The following PDE4D variants were observed in gnomAD, a reference collection of about 807,000 sequenced individuals.
The protein encoded by PDE4D is 3',5'-cyclic-AMP phosphodiesterase 4D.
In PDE4D, 24 loss-of-function variants were observed where a neutral mutation model predicts 87.4. That is an observed-to-expected ratio of 0.27 (90% CI 0.20 to 0.39). The LOEUF (loss-of-function observed/expected upper bound fraction) is 0.39. Among genes scored for constraint, PDE4D ranks in the 10% least tolerant of loss-of-function variants. The pLI is 1.00. For synonymous variants in PDE4D, 384 were observed against 383.2 expected (o/e 1.00, Z -0.02); for missense variants, 714 against 1,041.0 (o/e 0.69, Z 4.32).
intron 1 of PDE4D, among the ~76,000 whole-genome samples, chr5:59,773,006 A>G (rs1581038601): frequency 6.6e-6 from 1 of 152,236 alleles, no homozygotes; most frequent in East Asian, 1.9e-4. Context: ...AGAATGCTAC[A>G]AGGATTAAAT....
At chr5:59,234,207 A>G (rs1472355470) in intron 1 of PDE4D, among the ~76,000 whole-genome samples, 1 of 152,138 alleles carries the variant, frequency 6.6e-6, no homozygotes, top group African/African-American at 2.4e-5. Context: ...ATTTGAATAT[A>G]TTCATCCATT....
chr5:59,284,643 A>T (rs578152234), intron 1 of PDE4D, among the ~76,000 whole-genome samples: 21 of 132,514 alleles, frequency 1.6e-4, no homozygotes, highest in Admixed American at 6.3e-4. Flanking sequence ...CCATTGTGGA[A>T]GTCAGTGTGG....
At chr5:59,152,152 C>A (rs1779563974) in intron 5 of PDE4D, among the ~76,000 whole-genome samples, 1 of 152,170 alleles carries the variant, frequency 6.6e-6, no homozygotes, top group Non-Finnish European at 1.5e-5. Context: ...CTCTGAGCCT[C>A]AGTTTCTTCT....
At chr5:59,003,559 C>T (rs1463587009) in intron 6 of PDE4D, among the ~76,000 whole-genome samples, 1 of 152,236 alleles carries the variant, frequency 6.6e-6, no homozygotes, top group Non-Finnish European at 1.5e-5. Context: ...TAAGCTCCTA[C>T]TCTATGTCAG....
chr5:60,106,232 A>C lies in PDE4D; in HGVS notation c.42+79325T>G, dbSNP rs577280645. Among the ~76,000 whole-genome samples, 254 of 151,972 alleles carry C rather than the reference A, an allele frequency of 1.7e-3. 4 individuals carry two copies. In the East Asian group the frequency reaches 0.041, roughly 25 times the overall value. ...CCTAGTCTCTGATAAAACAGACTTTAAACCAACAAAGATCAAAAGAGACAA... is the reference window on the plus strand; with the variant it reads ...CCTAGTCTCTGATAAAACAGACTTTCAACCAACAAAGATCAAAAGAGACAA... On this transcript the variant is annotated intron_variant, in intron 2 of 16. Coordinates refer to the PDE4D transcript ENST00000502484.
intron 1 of PDE4D, among the ~76,000 whole-genome samples, chr5:59,812,258 G>A (rs941874214): frequency 1.3e-5 from 2 of 152,180 alleles, no homozygotes; most frequent in African/African-American, 4.8e-5. Context: ...CCGCTTTCAA[G>A]GAGATGCTCT....
At chr5:60,350,740 A>G (rs577690714) in intron 1 of PDE4D, among the ~76,000 whole-genome samples, 1 of 152,296 alleles carries the variant, frequency 6.6e-6, no homozygotes, top group South Asian at 2.1e-4. Context: ...ACTTTTTTCT[A>G]AAACTGTTTG....
chr5:59,914,139 G>A (rs1373611524), intron 3 of PDE4D, among the ~76,000 whole-genome samples: 1 of 152,050 alleles, frequency 6.6e-6, no homozygotes, highest in Non-Finnish European at 1.5e-5. Flanking sequence ...TAATACATAT[G>A]AATAACTACT....
At chr5:59,071,966 G>A (rs1198302565) in intron 5 of PDE4D, among the ~76,000 whole-genome samples, 1 of 152,142 alleles carries the variant, frequency 6.6e-6, no homozygotes, top group African/African-American at 2.4e-5. Flanking sequence ...TGGGATTACA[G>A]GCGTGAGCCA....
Position 59,575,987 on chromosome 5 carries a change from A to G in PDE4D, c.455+317181T>C, listed in dbSNP as rs144525748. 2.0e-4 allele frequency among the ~76,000 whole-genome samples: 30 copies of G among 152,298 alleles called. No individual in the cohort carries two copies. In the East Asian group the frequency reaches 5.0e-3, roughly 25 times the overall value. ...TTACTGAACAAGAATGTGATATAGA[A>G]GAGGCAGTTTAGACCTCCAAGCAAC... On this transcript the variant is annotated intron_variant, in intron 1 of 14. Coordinates refer to ENST00000340635, the MANE Select transcript of PDE4D (RefSeq NM_001104631.2).
intron 1 of PDE4D, among the ~76,000 whole-genome samples, chr5:60,515,706 T>C (rs940701518): frequency 6.6e-6 from 1 of 150,620 alleles, no homozygotes; most frequent in Non-Finnish European, 1.5e-5. Flanking sequence ...ATGTGGATAG[T>C]GCGTAAGAAC....
chr5:59,069,100 G>A (rs1268862158), intron 5 of PDE4D, among the ~76,000 whole-genome samples: 1 of 152,066 alleles, frequency 6.6e-6, no homozygotes, highest in Non-Finnish European at 1.5e-5. Flanking sequence ...CAGTGCAGTT[G>A]GAGCCTAAAG....
chr5:60,207,166 C>T lies in PDE4D; in HGVS notation c.-89-21479G>A, dbSNP rs544768860. On this transcript the variant is annotated intron_variant, in intron 1 of 16. Transcript: ENST00000502484. Reference sequence around the variant, plus strand: ...CCCTGAAGCAGGGCAGACTAGTAAACGGGTGCCTAACGCAGGAGGGGTGGC... The same window carrying T: ...CCCTGAAGCAGGGCAGACTAGTAAATGGGTGCCTAACGCAGGAGGGGTGGC... 9.2e-5 allele frequency among the ~76,000 whole-genome samples: 14 copies of T among 152,152 alleles called. No homozygotes were observed. In the South Asian group the frequency reaches 2.1e-3, roughly 23 times the overall value.
At chr5:59,909,551 C>T (rs1581697566) in intron 3 of PDE4D, among the ~76,000 whole-genome samples, 3 of 152,042 alleles carry the variant, frequency 2.0e-5, no homozygotes, top group African/African-American at 7.2e-5. Context: ...CACACCACCA[C>T]TTTTGTATTT....
At chr5:59,695,446 A>C (rs1751631517) in intron 1 of PDE4D, among the ~76,000 whole-genome samples, 1 of 152,160 alleles carries the variant, frequency 6.6e-6, no homozygotes, top group Admixed American at 6.6e-5. Context: ...GAATTGTTTC[A>C]CTAGTTATCT....
chr5:59,265,652 A>T (rs1762748167), intron 1 of PDE4D, among the ~76,000 whole-genome samples: 1 of 152,066 alleles, frequency 6.6e-6, no homozygotes, highest in Admixed American at 6.6e-5. Flanking sequence ...ATATTAACAT[A>T]TACATCATTG....
At chr5:59,111,867 C>T (rs1772707801) in intron 5 of PDE4D, among the ~76,000 whole-genome samples, 1 of 152,202 alleles carries the variant, frequency 6.6e-6, no homozygotes, top group African/African-American at 2.4e-5. Flanking sequence ...AGCAACCTAG[C>T]ATGGCTGAGG....
intron 1 of PDE4D, among the ~76,000 whole-genome samples, chr5:59,493,605 A>G (rs1236945963): frequency 6.6e-6 from 1 of 152,228 alleles, no homozygotes; most frequent in Non-Finnish European, 1.5e-5. Flanking sequence ...AATACAAGTT[A>G]AATACATTTT....
chr5:60,508,328 T>C (rs1034833816), intron 1 of PDE4D, among the ~76,000 whole-genome samples: 1 of 152,214 alleles, frequency 6.6e-6, no homozygotes. Context: ...CAATTGAGAA[T>C]TCCTTGGGAG....
Sources: allele counts gnomAD v4.1 joint callset (sites outside exome capture counted in the v4.1 genomes callset), GRCh38; gene constraint gnomAD v4.1.1; transcripts MANE v1.5; gene names NCBI Gene and HGNC (gene_info 2026-07-23, HGNC 2026-07-21).